Variants in ASH1L observed in about 807,000 individuals in gnomAD.
ASH1L encodes the protein ASH1 like histone lysine methyltransferase.
A neutral mutation model predicts 269.0 loss-of-function variants in ASH1L; 23 were observed. The observed-to-expected ratio is 0.09, with a 90% CI of 0.06 to 0.12. ASH1L has a LOEUF of 0.12. ASH1L is among the 10% of genes least tolerant of loss of function. The probability of loss-of-function intolerance (pLI) is 1.00; values close to 1 mark genes in which losing one functional copy is unlikely to be tolerated. For synonymous variants in ASH1L, 1,187 were observed against 1,253.5 expected (o/e 0.95, Z 1.12); for missense variants, 2,912 against 3,567.8 (o/e 0.82, Z 4.68).
chr1:155,493,063 T>C (rs1167588589), intron 2 of ASH1L, among the ~76,000 whole-genome samples: 2 of 152,260 alleles, frequency 1.3e-5, no homozygotes, highest in East Asian at 3.9e-4. Context: ...GTGATCTGGC[T>C]ACCTCAGCCT....
At chr1:155,447,782 T>C (rs1478672516) in intron 4 of ASH1L, among the ~76,000 whole-genome samples, 7 of 152,230 alleles carry the variant, frequency 4.6e-5, no homozygotes, top group Admixed American at 1.3e-4. Context: ...GATGTGTAGT[T>C]TGCAAATATT....
chr1:155,514,339 TACAC>T (rs1668363396), intron 2 of ASH1L, among the ~76,000 whole-genome samples: 1 of 152,210 alleles, frequency 6.6e-6, no homozygotes, highest in African/African-American at 2.4e-5. Context: ...TACATACATA[TACAC>T]ACATTTATTT....
rs541798186 is a variant in ASH1L, at chr1:155,390,397, G to A, written c.6103+5062C>T. ...AGTTCTAAATGGCTTCCCTAGTGAA[G>A]TCTGGTATATGTTTGAGAAAGAAGT... On this transcript the variant is annotated intron_variant, in intron 7 of 27. Coordinates refer to ENST00000392403, the MANE Select transcript of ASH1L (RefSeq NM_018489.3). Among the ~76,000 whole-genome samples the A allele has an allele frequency of 1.6e-4, 25 of 152,192 alleles. 1 individual carries two copies. The highest frequency in any genetic ancestry group is 5.5e-4 in the African/African-American group (23 of 41,526).
At chr1:155,434,578 C>T (rs1048034313) in intron 5 of ASH1L, among the ~76,000 whole-genome samples, 4 of 150,446 alleles carry the variant, frequency 2.7e-5, no homozygotes, top group South Asian at 4.2e-4. Flanking sequence ...GATGGTGGGG[C>T]GCCGTAGCTC....
At chr1:155,511,968 G>A (rs377162003) in intron 2 of ASH1L, among the ~76,000 whole-genome samples, 1 of 151,522 alleles carries the variant, frequency 6.6e-6, no homozygotes, top group Non-Finnish European at 1.5e-5. Flanking sequence ...GCACCACCAC[G>A]CCCGGCTAAT....
intron 2 of ASH1L, among the ~76,000 whole-genome samples, chr1:155,515,102 C>G (rs1668408136): frequency 6.6e-6 from 1 of 152,108 alleles, no homozygotes; most frequent in Admixed American, 6.5e-5. Flanking sequence ...CCAGCGAAAC[C>G]ATTACACCTG....
At chr1:155,546,000 T>C (rs1457550582) in intron 1 of ASH1L, among the ~76,000 whole-genome samples, 2 of 151,694 alleles carry the variant, frequency 1.3e-5, no homozygotes, top group South Asian at 4.2e-4. Flanking sequence ...CTACTTAAAA[T>C]ACAAAAAAAC....
rs146118736 is a variant in ASH1L, at chr1:155,527,371, C to T, written c.-99-5753G>A. ...CTTGAACATACTGATTATACTTTCA[C>T]TGCCACCCCTCCATAGAAACTGCTA... On this transcript the variant is annotated intron_variant, in intron 1 of 27. Coordinates refer to ENST00000392403, the MANE Select transcript of ASH1L (RefSeq NM_018489.3). Among the ~76,000 whole-genome samples the T allele has an allele frequency of 1.3e-4, 20 of 152,210 alleles. No individual in the cohort carries two copies. The South Asian group carries it at 3.5e-3, about 27-fold the overall frequency.
At chr1:155,337,937 A>G (rs1328337766) in intron 27 of ASH1L, 152 bp downstream of exon 27, 1 of 1,015,006 alleles carries the variant, frequency 9.9e-7, no homozygotes, top group Non-Finnish European at 1.4e-6. Flanking sequence ...TTCCAGTTTC[A>G]CTACCAAGAT....
intron 5 of ASH1L, chr1:155,433,711 G>C (rs1661810913): frequency 6.2e-7 from 1 of 1,600,586 alleles, no homozygotes; most frequent in African/African-American, 1.3e-5. Flanking sequence ...TATTTGGGAA[G>C]GTGTTCAGCC....
intron 1 of ASH1L, among the ~76,000 whole-genome samples, chr1:155,556,900 G>A (rs1016108929): frequency 6.6e-6 from 1 of 152,096 alleles, no homozygotes; most frequent in Non-Finnish European, 1.5e-5. Context: ...AATTAGCCAG[G>A]CGTGGTGGCA....
chr1:155,474,147 T>C (rs925838302), intron 3 of ASH1L, among the ~76,000 whole-genome samples: 4 of 152,222 alleles, frequency 2.6e-5, no homozygotes, highest in Non-Finnish European at 5.9e-5. Flanking sequence ...TATGTCTTTT[T>C]AACTGCTGTT....
At chr1:155,515,295 G>A (rs547186824) in intron 2 of ASH1L, among the ~76,000 whole-genome samples, 3 of 152,092 alleles carry the variant, frequency 2.0e-5, no homozygotes, top group South Asian at 4.2e-4. Context: ...ATATTCAACC[G>A]ACCTCTCGTC....
intron 7 of ASH1L, among the ~76,000 whole-genome samples, chr1:155,393,558 CT>C (rs1188916609): frequency 1.2e-3 from 167 of 142,114 alleles, no homozygotes; most frequent in Non-Finnish European, 1.1e-3. Flanking sequence ...TATTTCTTTT[CT>C]TTTTTTTTTT....
At chr1:155,488,510 A>T (rs1666491309) in intron 2 of ASH1L, among the ~76,000 whole-genome samples, 3 of 147,322 alleles carry the variant, frequency 2.0e-5, no homozygotes, top group Admixed American at 2.0e-4. Flanking sequence ...TACAAAAAAA[A>T]AAAAAAAAAA....
chr1:155,357,226 G>T, intron 15 of ASH1L, 90 bp downstream of exon 15: 3 of 1,015,040 alleles, frequency 3.0e-6, no homozygotes, highest in Non-Finnish European at 2.9e-6. Context: ...AAAGAAAGTG[G>T]ATCAACAATA....
chr1:155,548,102 T>C (rs1670952827), intron 1 of ASH1L, among the ~76,000 whole-genome samples: 1 of 150,788 alleles, frequency 6.6e-6, no homozygotes, highest in Admixed American at 6.6e-5. Context: ...CACCCATAAG[T>C]GGGAGTTGAA....
chr1:155,411,586 A>ATATATATATATAT (rs1558075618), intron 6 of ASH1L, among the ~76,000 whole-genome samples: 52 of 55,142 alleles, frequency 9.4e-4, no homozygotes, highest in East Asian at 1.4e-3. Flanking sequence ...TAAATAAATA[A>ATATATATATATAT]ATATATATAT....
intron 6 of ASH1L, among the ~76,000 whole-genome samples, chr1:155,400,813 A>T (rs746234482): frequency 1.8e-4 from 28 of 152,236 alleles, no homozygotes; most frequent in Non-Finnish European, 3.8e-4. Context: ...TACATACTTC[A>T]GCATAATCAC....
Sources: allele counts gnomAD v4.1 joint callset (sites outside exome capture counted in the v4.1 genomes callset), GRCh38; gene constraint gnomAD v4.1.1; transcripts MANE v1.5; gene names NCBI Gene and HGNC (gene_info 2026-07-23, HGNC 2026-07-21).